The following MSN variants were observed in gnomAD, a reference collection of about 807,000 sequenced individuals.
The protein encoded by MSN is epididymis luminal protein 70.
Under a neutral mutation model 48.0 loss-of-function variants are expected in MSN, and 2 were observed. The observed-to-expected ratio is 0.04, with a 90% CI of 0.02 to 0.13. The LOEUF is 0.13. Among genes scored for constraint, MSN ranks in the 10% least tolerant of loss-of-function variants. MSN has a pLI of 1.00. For missense variants in MSN, 267 were observed against 470.1 expected (o/e 0.57, Z 3.99); for synonymous variants, 146 against 166.9 (o/e 0.87, Z 0.97).
At chrX:65,595,550 C>G (rs771273505) in intron 1 of MSN, among the ~76,000 whole-genome samples, 1 of 112,026 alleles carries the variant, frequency 8.9e-6, no homozygotes, top group Non-Finnish European at 1.9e-5. Context: ...CTTGCGCCCC[C>G]CTCTGGCCTC....
chrX:65,621,796 A>G (rs1010168799), intron 1 of MSN, among the ~76,000 whole-genome samples: 3 of 112,211 alleles, frequency 2.7e-5, no homozygotes, highest in Non-Finnish European at 3.8e-5. Context: ...GGTTTTCTTA[A>G]ACTTATTTCA....
In MSN at chrX:65,612,050, G is replaced by A. The variant is rs1379638172; in HGVS notation, c.-22+23438G>A. On this transcript the variant is annotated intron_variant, in intron 1 of 3. Transcript: ENST00000609672. ...AAGTACTTTGTCCATTTTTTAAATT[G>A]GGTTGTGCTATGGTTTGAATGTGTC... 6.3e-5 allele frequency among the ~76,000 whole-genome samples: 7 copies of A among 111,542 alleles called. No individual in the cohort carries two copies. In the Admixed American group the frequency reaches 6.7e-4, roughly 11 times the overall value.
intron 1 of MSN, among the ~76,000 whole-genome samples, chrX:65,673,058 A>C (rs891835472): frequency 9.0e-6 from 1 of 111,522 alleles, no homozygotes; most frequent in African/African-American, 3.3e-5. Context: ...ATCCAAGAAG[A>C]ATACTGGCTT....
chrX:65,664,756 T>C (rs1432015285), upstream of MSN, among the ~76,000 whole-genome samples: 2 of 105,884 alleles, frequency 1.9e-5, no homozygotes, highest in East Asian at 2.9e-4. Flanking sequence ...CCCTTTCTTT[T>C]TTTTTTTTTT....
intron 1 of MSN, among the ~76,000 whole-genome samples, chrX:65,642,134 CAAA>C (rs1220561125): frequency 8.4e-5 from 5 of 59,777 alleles, no homozygotes; most frequent in Non-Finnish European, 1.4e-4. Flanking sequence ...AACTCCATCT[CAAA>C]AAAAAAAAAA....
At chrX:65,663,658 T>G (rs1005647185), upstream of MSN, among the ~76,000 whole-genome samples, 3 of 111,649 alleles carry the variant, frequency 2.7e-5, no homozygotes, top group African/African-American at 6.5e-5. Flanking sequence ...CACATGGACT[T>G]GCATGTTCAT....
At chrX:65,700,577 A>T (rs893369536) in intron 1 of MSN, among the ~76,000 whole-genome samples, 1 of 111,603 alleles carries the variant, frequency 9.0e-6, no homozygotes, top group Non-Finnish European at 1.9e-5. Flanking sequence ...CTTTTGGCTG[A>T]TAGTAAGGAT....
chrX:65,661,256 T>C (rs1376931173), intron 1 of MSN, among the ~76,000 whole-genome samples: 1 of 112,168 alleles, frequency 8.9e-6, no homozygotes, highest in Non-Finnish European at 1.9e-5. Flanking sequence ...GAGCCACCTA[T>C]AGATGGCTCT....
At chrX:65,709,185 G>A (rs896124523) in intron 1 of MSN, among the ~76,000 whole-genome samples, 1 of 111,268 alleles carries the variant, frequency 9.0e-6, no homozygotes, top group Non-Finnish European at 1.9e-5. Context: ...CTAGTAGTGG[G>A]ATTGCTGGAT....
At chrX:65,714,287 T>C (rs985910832) in intron 1 of MSN, among the ~76,000 whole-genome samples, 1 of 111,985 alleles carries the variant, frequency 8.9e-6, no homozygotes, top group African/African-American at 3.2e-5. Flanking sequence ...TGCGCGTTTA[T>C]GTATTTTTAT....
At chrX:65,722,009 G>T (rs757162140) in intron 2 of MSN, among the ~76,000 whole-genome samples, 1 of 111,883 alleles carries the variant, frequency 8.9e-6, no homozygotes, top group African/African-American at 3.3e-5. Context: ...TTGAGTCCAG[G>T]AGTTCAAGGT....
In MSN at chrX:65,705,835, C is replaced by T. The variant is rs530661383; in HGVS notation, c.13-10983C>T. On this transcript the variant is annotated intron_variant, in intron 1 of 12. Coordinates refer to ENST00000360270, the MANE Select transcript of MSN (RefSeq NM_002444.3). ...AATGAAAGGGGACCCTTGTCTCTGA[C>T]GCCCTCTGGAGCAGTTGGAGTGGTT... is the stretch of plus-strand genomic sequence containing the variant. 2.5e-4 allele frequency among the ~76,000 whole-genome samples: 28 copies of T among 111,756 alleles called. No individual in the cohort carries two copies. The South Asian group carries it at 6.8e-3, about 27-fold the overall frequency.
At chrX:65,667,286 G>C (rs1183579081), upstream of MSN, among the ~76,000 whole-genome samples, 1 of 111,838 alleles carries the variant, frequency 8.9e-6, no homozygotes, top group Non-Finnish European at 1.9e-5. Context: ...GCTGTCTAGA[G>C]AAGGAAAAGA....
At chrX:65,594,797 G>T (rs2070174376) in intron 1 of MSN, among the ~76,000 whole-genome samples, 1 of 111,639 alleles carries the variant, frequency 9.0e-6, no homozygotes, top group African/African-American at 3.3e-5. Flanking sequence ...TGAGTTGGAT[G>T]ATCAGACTTT....
intron 1 of MSN, among the ~76,000 whole-genome samples, chrX:65,688,112 C>T (rs1457597544): frequency 8.9e-6 from 1 of 112,087 alleles, no homozygotes; most frequent in Non-Finnish European, 1.9e-5. Flanking sequence ...TTTCCAGTGT[C>T]CAAGTAATGA....
intron 11 of MSN, 132 bp downstream of exon 11, chrX:65,738,749 G>A: frequency 1.5e-6 from 1 of 652,803 alleles, no homozygotes; most frequent in Non-Finnish European, 2.3e-6. Context: ...ATGGGAGAAG[G>A]CACTCATGGT....
Position 65,658,948 on chromosome X carries a change from G to T in MSN, c.-21-57870G>T, listed in dbSNP as rs188709023. On this transcript the variant is annotated intron_variant, in intron 1 of 3. Transcript: ENST00000609672. Reference sequence around the variant, plus strand: ...CAACCTCCACCTCCCGGGCTCAAGCGATTCTCCTGCCTCAGCCTCCGGAGT... The same window carrying T: ...CAACCTCCACCTCCCGGGCTCAAGCTATTCTCCTGCCTCAGCCTCCGGAGT... Among the ~76,000 whole-genome samples, 595 of 108,344 alleles carry T rather than the reference G, an allele frequency of 5.5e-3. 2 individuals are homozygous for T. The highest frequency in any genetic ancestry group is 8.3e-3 in the Non-Finnish European group (435 of 52,291). 94.1% of individuals were successfully genotyped at this position (108,344 alleles called of 115,157 possible). A position where few individuals can be genotyped will look rare whatever the true frequency, so the allele number is the denominator to read the frequency against.
At chrX:65,640,368 G>A (rs759674833) in intron 1 of MSN, among the ~76,000 whole-genome samples, 1 of 111,050 alleles carries the variant, frequency 9.0e-6, no homozygotes, top group East Asian at 2.8e-4. Context: ...GTGAAACCCC[G>A]TCTCTACTAA....
At chrX:65,721,519 C>CT (rs57613150) in intron 2 of MSN, among the ~76,000 whole-genome samples, 19,454 of 110,606 alleles carry the variant, frequency 0.18, 4,241 homozygotes, top group African/African-American at 0.61. Flanking sequence ...CAGTAAAGTA[C>CT]TTAGGACTTG....
Sources: gnomAD v4.1 joint callset for allele counts (sites outside exome capture counted in the v4.1 genomes callset) on GRCh38, gnomAD v4.1.1 for gene constraint, MANE v1.5 for transcripts, NCBI Gene and HGNC (gene_info 2026-07-23, HGNC 2026-07-21) for gene names.